The following RAP1GAP2 variants were observed in gnomAD, a reference collection of about 807,000 sequenced individuals.
The protein encoded by RAP1GAP2 is rap1 GTPase-activating protein 2.
RAP1GAP2 carries 27 observed loss-of-function variants against 95.0 expected under a neutral mutation model. That is an observed-to-expected ratio of 0.28 (90% CI 0.21 to 0.39). The LOEUF (loss-of-function observed/expected upper bound fraction) is 0.39, where lower values mean the gene tolerates loss of function less well. Among genes scored for constraint, RAP1GAP2 ranks in the 10% least tolerant of loss-of-function variants. The pLI is 1.00. For missense variants in RAP1GAP2, 771 were observed against 970.0 expected, an observed-to-expected ratio of 0.79 and a Z score of 2.72; for synonymous variants, 373 against 380.9, an observed-to-expected ratio of 0.98 and a Z score of 0.24.
intron 2 of RAP1GAP2, among the ~76,000 whole-genome samples, chr17:2,819,120 G>C (rs975689806): frequency 6.2e-4 from 94 of 151,392 alleles, no homozygotes; most frequent in Non-Finnish European, 7.1e-4. Flanking sequence ...CCAGGTTCAC[G>C]CCATTCTCCT....
At chr17:3,021,742 TTG>T (rs1265658866) in intron 19 of RAP1GAP2, among the ~76,000 whole-genome samples, 1 of 152,216 alleles carries the variant, frequency 6.6e-6, no homozygotes, top group Non-Finnish European at 1.5e-5. Context: ...GCCACGGTAT[TTG>T]TCTTTTCATG....
At chr17:2,764,569 A>T (rs1008535480) in intron 1 of RAP1GAP2, among the ~76,000 whole-genome samples, 6 of 151,428 alleles carry the variant, frequency 4.0e-5, no homozygotes, top group African/African-American at 1.5e-4. Context: ...AAAAGCACAA[A>T]AATTAGCTGG....
chr17:3,020,418 AG>A (rs2046918709), intron 18 of RAP1GAP2, 58 bp from the exon 19 acceptor site: 4 of 1,355,752 alleles, frequency 3.0e-6, no homozygotes, highest in Non-Finnish European at 4.2e-6. Context: ...GAGGAGGATG[AG>A]GGGATAGGAG....
chr17:2,954,330 T>C (rs1267209517), intron 3 of RAP1GAP2, among the ~76,000 whole-genome samples: 8 of 151,930 alleles, frequency 5.3e-5, no homozygotes, highest in Non-Finnish European at 1.2e-4. Flanking sequence ...GGTCTCGATC[T>C]CCTGACCTCG....
At chr17:2,878,752 C>T (rs780754508) in intron 2 of RAP1GAP2, among the ~76,000 whole-genome samples, 3 of 152,322 alleles carry the variant, frequency 2.0e-5, no homozygotes, top group East Asian at 1.9e-4. Flanking sequence ...TGGGCCTGTC[C>T]GGAAGCATTT....
Position 2,998,315 on chromosome 17 carries a change from T to G in RAP1GAP2, c.1139T>G (p.Phe380Cys). The change falls in exon 14 of 25, where the codon TTC becomes TGC. Residue 380 changes from phenylalanine (F) to cysteine (C), a missense_variant. Transcript: ENST00000254695. ...GTCCCAGACATGATAGCCTCCAATT[T>G]CTTACATGCCTACATCGTCGTGCAG... The part of the protein sequence containing the change: ...PFVPDMIASN[F>C]LHAYIVVQVE... 6.2e-7 allele frequency: 1 copy of G among 1,614,052 alleles called. No individual in the cohort carries two copies. Among genetic ancestry groups the G allele is most frequent in the Non-Finnish European group, 8.5e-7 (1 of 1,179,890 alleles).
chr17:2,995,790 C>A (rs1446268541), intron 13 of RAP1GAP2, among the ~76,000 whole-genome samples: 1 of 151,954 alleles, frequency 6.6e-6, no homozygotes, highest in Non-Finnish European at 1.5e-5. Context: ...GAGGTTTCTC[C>A]GTTTATCAGG....
chr17:2,815,456 ATAT>A (rs10675930), intron 2 of RAP1GAP2, among the ~76,000 whole-genome samples: 9,349 of 139,984 alleles, frequency 0.067, 401 homozygotes, highest in African/African-American at 0.13. Context: ...AACATCTCTG[ATAT>A]TATTATTATT....
chr17:2,875,097 G>C (rs1338337394), intron 2 of RAP1GAP2, among the ~76,000 whole-genome samples: 1 of 152,132 alleles, frequency 6.6e-6, no homozygotes, highest in Non-Finnish European at 1.5e-5. Flanking sequence ...ATGTAGCCTT[G>C]CTCTTGACGC....
chr17:2,787,060 C>T (rs2068799981), intron 1 of RAP1GAP2, among the ~76,000 whole-genome samples: 1 of 150,538 alleles, frequency 6.6e-6, no homozygotes, highest in Non-Finnish European at 1.5e-5. Flanking sequence ...AAGCCATTCT[C>T]CTGCCCCAGC....
At chr17:2,922,665 C>T (rs942484476) in intron 3 of RAP1GAP2, among the ~76,000 whole-genome samples, 10 of 152,096 alleles carry the variant, frequency 6.6e-5, no homozygotes, top group South Asian at 2.1e-4. Flanking sequence ...ATCCCTGCTG[C>T]CCCGGGACCT....
intron 13 of RAP1GAP2, among the ~76,000 whole-genome samples, chr17:2,997,908 G>A (rs531575063): frequency 1.4e-3 from 200 of 144,968 alleles, no homozygotes; most frequent in African/African-American, 4.9e-3. Context: ...GGGCAACACA[G>A]TGAGACCCTG....
intron 2 of RAP1GAP2, among the ~76,000 whole-genome samples, chr17:2,819,859 C>A (rs2070206051): frequency 6.6e-6 from 1 of 150,732 alleles, no homozygotes; most frequent in Non-Finnish European, 1.5e-5. Context: ...TCCTGGCTCA[C>A]TGTAGCCTCA....
intron 12 of RAP1GAP2, among the ~76,000 whole-genome samples, chr17:2,993,860 C>A (rs578201163): frequency 6.6e-6 from 1 of 151,610 alleles, no homozygotes; most frequent in South Asian, 2.1e-4. Flanking sequence ...CATGGTGAGA[C>A]CCTGTCATTA....
At chr17:2,795,402 G>C (rs547631568), upstream of RAP1GAP2, among the ~76,000 whole-genome samples, 20 of 152,204 alleles carry the variant, frequency 1.3e-4, no homozygotes, top group Non-Finnish European at 2.6e-4. Context: ...GTGGTGTGCA[G>C]ACTGGGATGC....
In RAP1GAP2 at chr17:3,030,942, C is replaced by T; in HGVS notation, c.2128C>T (p.Pro710Ser). 6.2e-7 allele frequency: 1 copy of T among 1,611,228 alleles called. No individual in the cohort carries two copies. Among genetic ancestry groups the T allele is most frequent in the Admixed American group, 1.7e-5 (1 of 59,710 alleles). The change falls in exon 23 of 25, where the codon CCG becomes TCG. Residue 710 changes from proline (P) to serine (S), a missense_variant. Pro to Ser is a moderately conservative substitution (Grantham distance 74). Coordinates refer to ENST00000254695, the MANE Select transcript of RAP1GAP2 (RefSeq NM_015085.5). ...SPTDAKSRNS[P>S]RSNLKFRFDK... The stretch of plus-strand genomic sequence containing the variant: ...CTTAGATGCCAAAAGCAGAAACTCC[C>T]CGAGATCGAACCTGAAATTCCGCTT...
In RAP1GAP2 at chr17:2,855,677, ATCTCG is replaced by A. The variant is rs2072103610; in HGVS notation, c.81-49606_81-49602del. ...GCCCAAGCTGGAGTACAGTGGCGCC[ATCTCG>A]GCCCACTGCAACCTCCACCTCCTGG... On this transcript the variant is annotated intron_variant, in intron 2 of 24. Coordinates refer to ENST00000254695, the MANE Select transcript of RAP1GAP2 (RefSeq NM_015085.5). The surrounding 1 kb of genome is among the most constrained non-coding windows in gnomAD (Gnocchi z 4.3). Among the ~76,000 whole-genome samples, 2 of 152,206 alleles carry A rather than the reference ATCTCG, an allele frequency of 1.3e-5. No individual in the cohort carries two copies. Among genetic ancestry groups the A allele is most frequent in the Non-Finnish European group, 2.9e-5 (2 of 68,040 alleles).
intron 2 of RAP1GAP2, among the ~76,000 whole-genome samples, chr17:2,859,677 C>G (rs1167798045): frequency 6.6e-6 from 1 of 152,180 alleles, no homozygotes; most frequent in Non-Finnish European, 1.5e-5. Context: ...CTCAAGTGAT[C>G]TGCCCACCTC....
intron 2 of RAP1GAP2, among the ~76,000 whole-genome samples, chr17:2,890,341 G>A (rs974334951): frequency 1.7e-4 from 26 of 152,168 alleles, no homozygotes; most frequent in Non-Finnish European, 2.6e-4. Flanking sequence ...CATTGAAACT[G>A]TTATTTAGTT....
Sources: allele counts gnomAD v4.1 joint callset (sites outside exome capture counted in the v4.1 genomes callset), GRCh38; gene constraint gnomAD v4.1.1; non-coding constraint Gnocchi (gnomAD v3.1); transcripts MANE v1.5; gene names NCBI Gene and HGNC (gene_info 2026-07-23, HGNC 2026-07-21).